Variants in PRXL2B observed in about 807,000 individuals in gnomAD.
PRXL2B encodes peroxiredoxin like 2B.
PRXL2B carries 26 observed loss-of-function variants against 24.4 expected under a neutral mutation model. The ratio of observed to expected loss-of-function variants is 1.07; its 90% CI spans 0.78 to 1.48. The LOEUF (loss-of-function observed/expected upper bound fraction) is 1.48, where lower values mean the gene tolerates loss of function less well. Among genes scored for constraint, PRXL2B ranks in the 40% most tolerant of loss-of-function variants. The probability of loss-of-function intolerance (pLI) is 0.00; values close to 1 mark genes in which losing one functional copy is unlikely to be tolerated. For synonymous variants in PRXL2B, 115 were observed against 118.9 expected (o/e 0.97, Z 0.21); for missense variants, 269 against 264.8 (o/e 1.02, Z -0.11).
intron 5 of PRXL2B, 23 bp from the exon 6 acceptor site, chr1:2,588,899 T>G (rs368991978): frequency 6.2e-7 from 1 of 1,608,766 alleles, no homozygotes; most frequent in Non-Finnish European, 8.5e-7. Flanking sequence ...CGGGGTGCCG[T>G]GACTGCCTGC....
chr1:2,589,149 A>T, intron 6 of PRXL2B, 109 bp downstream of exon 6: 1 of 1,140,972 alleles, frequency 8.8e-7, no homozygotes, highest in Non-Finnish European at 1.3e-6. Context: ...TGTGGGCATC[A>T]TGCCAATTGT....
chr1:2,591,465 G>T lies in PRXL2B; in HGVS notation c.*2038G>T. The T allele has an allele frequency of 9.4e-7, 1 of 1,061,042 alleles. No homozygotes were observed. The allele number at this position is 1,061,042 out of a possible 1,614,324, so 65.7% of individuals were successfully genotyped here. A position where few individuals can be genotyped will look rare whatever the true frequency, so the allele number is the denominator to read the frequency against. Reference sequence around the variant, plus strand: ...CCCAAAATAAACCTGTCTCTGTTGAGCCACTTTTTGTGCTTTCTTCTTTTA... The same window carrying T: ...CCCAAAATAAACCTGTCTCTGTTGATCCACTTTTTGTGCTTTCTTCTTTTA... On this transcript the variant is annotated 3_prime_UTR_variant, in exon 7 of 7. Transcript: ENST00000419916.
chr1:2,588,156 A>G (rs1020996515), intron 3 of PRXL2B, among the ~76,000 whole-genome samples: 12 of 151,904 alleles, frequency 7.9e-5, no homozygotes, highest in South Asian at 2.1e-4. Flanking sequence ...CTGGGGCCCC[A>G]TCCATGCTCC....
chr1:2,591,443 A>G lies in PRXL2B; in HGVS notation c.*2016A>G, dbSNP rs569053955. ...AGAAGCCCCTCTCAGGTTTATTCCC[A>G]AAATAAACCTGTCTCTGTTGAGCCA... On this transcript the variant is annotated 3_prime_UTR_variant, in exon 7 of 7. Transcript: ENST00000419916. 6.6e-5 allele frequency: 57 copies of G among 869,444 alleles called. No homozygotes were observed. The highest frequency in any genetic ancestry group is 1.0e-4 in the Non-Finnish European group (53 of 521,842). The allele number at this position is 869,444 out of a possible 1,614,324, so 53.9% of individuals were successfully genotyped here. A position where few individuals can be genotyped will look rare whatever the true frequency, so the allele number is the denominator to read the frequency against.
Position 2,589,304 on chromosome 1 carries a change from C to T in PRXL2B, c.580-106C>T, listed in dbSNP as rs78851285. ...ACACATGGGGTGGCGGGCAGAGAGG[C>T]GTGTCCTCTCAGCCTTGGGAGGGCT... On this transcript the variant is annotated intron_variant, in intron 6 of 6. Coordinates refer to ENST00000419916, the MANE Select transcript of PRXL2B (RefSeq NM_152371.5). 25,909 of 1,464,730 alleles carry T rather than the reference C, an allele frequency of 0.018. 525 individuals carry two copies. The highest frequency in any genetic ancestry group is 0.094 in the Admixed American group (4,826 of 51,248). The allele number at this position is 1,464,730 out of a possible 1,614,324, so 90.7% of individuals were successfully genotyped here. A position where few individuals can be genotyped will look rare whatever the true frequency, so the allele number is the denominator to read the frequency against.
intron 5 of PRXL2B, 121 bp downstream of exon 5, chr1:2,588,746 C>G: frequency 7.9e-7 from 1 of 1,266,622 alleles, no homozygotes; most frequent in South Asian, 1.3e-5. Context: ...CGCAATGTGG[C>G]CTGGTTCTGC....
chr1:2,591,242 A>G lies in PRXL2B; in HGVS notation c.*1815A>G, dbSNP rs1221339831. 9.9e-6 allele frequency: 6 copies of G among 607,142 alleles called. No individual in the cohort carries two copies. Among genetic ancestry groups the G allele is most frequent in the Non-Finnish European group, 1.4e-5 (5 of 348,138 alleles). The allele number at this position is 607,142 out of a possible 1,614,324, so 37.6% of individuals were successfully genotyped here. ...CATTTCAACCATGAGATAAACCCCC[A>G]TCTGACCAGAAACATGCCAATCCTG... On this transcript the variant is annotated 3_prime_UTR_variant, in exon 7 of 7. Transcript: ENST00000419916.
chr1:2,587,376 C>T lies in PRXL2B; in HGVS notation c.268+81C>T. 3 of 1,467,828 alleles carry T rather than the reference C, an allele frequency of 2.0e-6. No individual in the cohort carries two copies. Among genetic ancestry groups the T allele is most frequent in the Middle Eastern group, 1.7e-4 (1 of 5,798 alleles). The allele number at this position is 1,467,828 out of a possible 1,614,324, so 90.9% of individuals were successfully genotyped here. A position where few individuals can be genotyped will look rare whatever the true frequency, so the allele number is the denominator to read the frequency against. On this transcript the variant is annotated intron_variant, in intron 2 of 6. Coordinates refer to ENST00000419916, the MANE Select transcript of PRXL2B (RefSeq NM_152371.5). The surrounding 1 kb of genome is among the most constrained non-coding windows in gnomAD (Gnocchi z 6.1). ...TTCGGGGCCCTTTCCTGCCCAACCCCGGCCCTTCTGTCTGCTGGAGCGGCC... is the reference window on the plus strand; with the variant it reads ...TTCGGGGCCCTTTCCTGCCCAACCCTGGCCCTTCTGTCTGCTGGAGCGGCC...
Position 2,587,589 on chromosome 1 carries a change from GT to G in PRXL2B, c.269-148del. On this transcript the variant is annotated intron_variant, in intron 2 of 6. Transcript: ENST00000419916. This position sits in a 1 kb window ranked among gnomAD's most constrained non-coding sequence, Gnocchi z 6.1. ...GAGGGGAGGGGGGACACTCAGCCCC[GT>G]TTTACCCCTCCCTGCCCTGCGGGGG... 1.1e-6 allele frequency: 1 copy of G among 946,912 alleles called. No individual in the cohort carries two copies. The highest frequency in any genetic ancestry group is 1.6e-6 in the Non-Finnish European group (1 of 607,648). 58.7% of individuals were successfully genotyped at this position (946,912 alleles called of 1,614,324 possible). A position where few individuals can be genotyped will look rare whatever the true frequency, so the allele number is the denominator to read the frequency against.
In PRXL2B at chr1:2,587,913, C is replaced by G. The variant is rs897014243; in HGVS notation, c.320+121C>G. ...TGCTGTCCACTCGGGCCTTCCTGGG[C>G]AAGGCGGCTCTGGTGGCACTGTTGA... On this transcript the variant is annotated intron_variant, in intron 3 of 6. Transcript: ENST00000419916. The surrounding 1 kb of genome is among the most constrained non-coding windows in gnomAD (Gnocchi z 6.1). 7.9e-5 allele frequency: 91 copies of G among 1,155,448 alleles called. No individual in the cohort carries two copies. The African/African-American group carries it at 1.2e-3, about 16-fold the overall frequency. The allele number at this position is 1,155,448 out of a possible 1,614,324, so 71.6% of individuals were successfully genotyped here. A position where few individuals can be genotyped will look rare whatever the true frequency, so the allele number is the denominator to read the frequency against.
chr1:2,586,976 G>T, intron 1 of PRXL2B, 28 bp downstream of exon 1: 2 of 1,316,860 alleles, frequency 1.5e-6, no homozygotes, highest in Non-Finnish European at 1.9e-6. Context: ...CAGGGCGGTG[G>T]GCGCGTCCCT....
At chr1:2,589,265 C>T in intron 6 of PRXL2B, 145 bp from the exon 7 acceptor site, 4 of 1,295,536 alleles carry the variant, frequency 3.1e-6, no homozygotes, top group South Asian at 1.4e-5. Context: ...GGACTGTCCT[C>T]AGAGGTGGGG....
chr1:2,588,725 A>C, intron 5 of PRXL2B, 100 bp downstream of exon 5: 1 of 1,376,094 alleles, frequency 7.3e-7, no homozygotes, highest in Non-Finnish European at 1.0e-6. Flanking sequence ...GTCTCATCAC[A>C]GCCCCTCCGC....
rs748140146 is a variant in PRXL2B, at chr1:2,587,798, T to TG, written c.320+11dup. 5 of 874,972 alleles carry TG rather than the reference T, an allele frequency of 5.7e-6. No individual in the cohort carries two copies. The highest frequency in any genetic ancestry group is 2.0e-5 in the African/African-American group (1 of 50,090). The allele number at this position is 874,972 out of a possible 1,614,324, so 54.2% of individuals were successfully genotyped here. A position where few individuals can be genotyped will look rare whatever the true frequency, so the allele number is the denominator to read the frequency against. ...AAGGAGCTAGGCTTCAAGCGGTGAG[T>TG]GGGGGCGGGAACCCTTGGGTAGCGT... On this transcript the variant is annotated splice_region_variant and intron_variant, in intron 3 of 6. Transcript: ENST00000419916. This position sits in a 1 kb window ranked among gnomAD's most constrained non-coding sequence, Gnocchi z 6.1.
chr1:2,587,330 C>A lies in PRXL2B; in HGVS notation c.268+35C>A. 2.6e-6 allele frequency: 4 copies of A among 1,538,868 alleles called. No individual in the cohort carries two copies. The highest frequency in any genetic ancestry group is 3.5e-6 in the Non-Finnish European group (4 of 1,147,748). ...GTTCCCCGCCGCGGCGGCGCACATA[C>A]CCTTCCCTAAGCTCAGGGCGTTCGG... On this transcript the variant is annotated intron_variant, in intron 2 of 6. Transcript: ENST00000419916. The surrounding 1 kb of genome is among the most constrained non-coding windows in gnomAD (Gnocchi z 6.1).
rs1361459789 is a variant in PRXL2B at position 2,587,401 on chromosome 1, C to T, written c.268+106C>T. The T allele has an allele frequency of 1.2e-5, 15 of 1,285,244 alleles. No individual in the cohort carries two copies. Among genetic ancestry groups the T allele is most frequent in the Non-Finnish European group, 1.4e-5 (13 of 930,226 alleles). The allele number at this position is 1,285,244 out of a possible 1,614,324, so 79.6% of individuals were successfully genotyped here. ...CGGCCCTTCTGTCTGCTGGAGCGGCCTTGATATGCCCACGGGTCAGCGTCC... is the reference window on the plus strand; with the variant it reads ...CGGCCCTTCTGTCTGCTGGAGCGGCTTTGATATGCCCACGGGTCAGCGTCC... On this transcript the variant is annotated intron_variant, in intron 2 of 6. Coordinates refer to ENST00000419916, the MANE Select transcript of PRXL2B (RefSeq NM_152371.5). This position sits in a 1 kb window ranked among gnomAD's most constrained non-coding sequence, Gnocchi z 6.1.
rs755451295 is a variant in PRXL2B at position 2,588,504 on chromosome 1, G to A, written c.385-46G>A. 4.3e-6 allele frequency: 7 copies of A among 1,613,724 alleles called. No individual in the cohort carries two copies. In the East Asian group the frequency reaches 6.7e-5, roughly 15 times the overall value. ...GCCGGGGGGTGGTGGGAGCTCCCAG[G>A]AGCCTTTCTTCTAGGATTGACTCAG... On this transcript the variant is annotated intron_variant, in intron 4 of 6. Transcript: ENST00000419916.
In PRXL2B at chr1:2,587,687, G is replaced by C; in HGVS notation, c.269-54G>C. ...GGAGGGCGATTCTTTGTGGTGAGTG[G>C]GTTGGGGGCTGGTTCTGCGCCTGGG... On this transcript the variant is annotated intron_variant, in intron 2 of 6. Coordinates refer to ENST00000419916, the MANE Select transcript of PRXL2B (RefSeq NM_152371.5). The surrounding 1 kb of genome is among the most constrained non-coding windows in gnomAD (Gnocchi z 6.1). 1 of 1,559,666 alleles carries C rather than the reference G, an allele frequency of 6.4e-7. No homozygotes were observed. The highest frequency in any genetic ancestry group is 8.7e-7 in the Non-Finnish European group (1 of 1,148,162).
Position 2,591,238 on chromosome 1 carries a change from C to A in PRXL2B, c.*1811C>A. On this transcript the variant is annotated 3_prime_UTR_variant, in exon 7 of 7. Coordinates refer to ENST00000419916, the MANE Select transcript of PRXL2B (RefSeq NM_152371.5). ...GAAACATTTCAACCATGAGATAAACCCCCATCTGACCAGAAACATGCCAAT... is the reference window on the plus strand; with the variant it reads ...GAAACATTTCAACCATGAGATAAACACCCATCTGACCAGAAACATGCCAAT... The A allele has an allele frequency of 1.6e-6, 1 of 607,460 alleles. No homozygotes were observed. The highest frequency in any genetic ancestry group is 2.9e-6 in the Non-Finnish European group (1 of 348,634). 37.6% of individuals were successfully genotyped at this position (607,460 alleles called of 1,614,324 possible).
Sources: gnomAD v4.1 joint callset for allele counts (sites outside exome capture counted in the v4.1 genomes callset) on GRCh38, gnomAD v4.1.1 for gene constraint, Gnocchi (gnomAD v3.1) non-coding constraint, MANE v1.5 for transcripts, NCBI Gene and HGNC (gene_info 2026-07-23, HGNC 2026-07-21) for gene names.